NF1: variants seen among roughly 807,000 people sequenced by gnomAD.
NF1 encodes the protein neurofibromin 1, also known as neurofibromin.
A neutral mutation model predicts 325.7 loss-of-function variants in NF1; 122 were observed. The ratio of observed to expected loss-of-function variants is 0.37; its 90% CI spans 0.32 to 0.44. The LOEUF (loss-of-function observed/expected upper bound fraction) is 0.44, where lower values mean the gene tolerates loss of function less well. NF1 is among the 20% of genes least tolerant of loss of function. The pLI is 1.00. For synonymous variants in NF1, 1,091 were observed against 1,186.0 expected, an observed-to-expected ratio of 0.92 and a Z score of 1.65; for missense variants, 2,140 against 3,415.4, an observed-to-expected ratio of 0.63 and a Z score of 9.31.
At chr17:31,193,691 A>AC (rs1214504524) in intron 8 of NF1, among the ~76,000 whole-genome samples, 8 of 150,230 alleles carry the variant, frequency 5.3e-5, no homozygotes, top group African/African-American at 1.9e-4. Flanking sequence ...AAACAAAACA[A>AC]AACAACAACA....
At chr17:31,364,260 A>G (rs2070465615) in intron 57 of NF1, among the ~76,000 whole-genome samples, 1 of 152,350 alleles carries the variant, frequency 6.6e-6, no homozygotes, top group East Asian at 1.9e-4. Context: ...TTTACCATCA[A>G]ATTACCCAAC....
intron 1 of NF1, among the ~76,000 whole-genome samples, chr17:31,106,094 T>G (rs1001330752): frequency 6.6e-6 from 1 of 152,226 alleles, no homozygotes; most frequent in Non-Finnish European, 1.5e-5. Flanking sequence ...AGTTTGGGCA[T>G]GAGAAAACAA....
In NF1 at chr17:31,286,067, G is replaced by C. The variant is rs887330157; in HGVS notation, c.4835+20728G>C. On this transcript the variant is annotated intron_variant, in intron 36 of 57. Coordinates refer to ENST00000358273, the MANE Select transcript of NF1 (RefSeq NM_001042492.3). Reference sequence around the variant, plus strand: ...TTTTACTAACTTCAAGTGATTCCTTGATCCTTTAAATAATTTTAATATGCT... The same window carrying C: ...TTTTACTAACTTCAAGTGATTCCTTCATCCTTTAAATAATTTTAATATGCT... Among the ~76,000 whole-genome samples the C allele has an allele frequency of 3.3e-5, 5 of 152,152 alleles. No individual in the cohort carries two copies. In the East Asian group the frequency reaches 9.6e-4, roughly 29 times the overall value.
chr17:31,237,744 A>G (rs2067228330), intron 29 of NF1, among the ~76,000 whole-genome samples: 2 of 150,526 alleles, frequency 1.3e-5, no homozygotes, highest in Admixed American at 6.7e-5. Context: ...ATTTTACTGA[A>G]TCTTATTATT....
chr17:31,203,326 C>A (rs2066563587), intron 11 of NF1, among the ~76,000 whole-genome samples: 1 of 152,162 alleles, frequency 6.6e-6, no homozygotes, highest in African/African-American at 2.4e-5. Context: ...AAAAAAACTA[C>A]ATTGAATAAT....
At chr17:31,227,414 G>A (rs17884194) in intron 19 of NF1, 109 bp from the exon 20 acceptor site, 9 of 1,396,010 alleles carry the variant, frequency 6.4e-6, no homozygotes, top group South Asian at 2.3e-5. Context: ...CATATTACAA[G>A]TATAATATCT....
Position 31,266,297 on chromosome 17 carries a change from G to A in NF1, c.4835+958G>A, listed in dbSNP as rs188622493. On this transcript the variant is annotated intron_variant, in intron 36 of 57. Coordinates refer to ENST00000358273, the MANE Select transcript of NF1 (RefSeq NM_001042492.3). The stretch of plus-strand genomic sequence containing the variant: ...CAAGGTTGAGAAATAGTAGAGAGAC[G>A]GTGAAGGAAGATCAGTGGAAGATGG... Among the ~76,000 whole-genome samples the A allele has an allele frequency of 9.9e-4, 151 of 152,298 alleles. 1 individual carries two copies. The highest frequency in any genetic ancestry group is 7.6e-4 in the Non-Finnish European group (52 of 68,032).
At chr17:31,205,855 T>TAAG (rs766851953) in intron 11 of NF1, among the ~76,000 whole-genome samples, 5 of 151,610 alleles carry the variant, frequency 3.3e-5, no homozygotes, top group Non-Finnish European at 5.9e-5. Context: ...CCTGGGAAAA[T>TAAG]ATATGCCATG....
chr17:31,197,918 T>TG (rs1491085719), intron 8 of NF1, among the ~76,000 whole-genome samples: 49 of 152,328 alleles, frequency 3.2e-4, no homozygotes, highest in Non-Finnish European at 5.0e-4. Flanking sequence ...CACTATTGAG[T>TG]ATGTTGTTAG....
intron 36 of NF1, among the ~76,000 whole-genome samples, chr17:31,288,558 C>CA (rs2068286527): frequency 2.3e-5 from 3 of 131,786 alleles, no homozygotes; most frequent in African/African-American, 8.2e-5. Context: ...GAGTGGGAGA[C>CA]AGAGTCTTGC....
intron 29 of NF1, among the ~76,000 whole-genome samples, chr17:31,246,748 T>C (rs143592788): frequency 6.6e-6 from 1 of 152,282 alleles, no homozygotes; most frequent in East Asian, 1.9e-4. Context: ...CCTGTATTAT[T>C]GATGAGAAAA....
At chr17:31,118,345 G>C (rs566547539) in intron 1 of NF1, among the ~76,000 whole-genome samples, 2 of 151,604 alleles carry the variant, frequency 1.3e-5, no homozygotes, top group African/African-American at 4.9e-5. Flanking sequence ...AGAATGTGCA[G>C]GTTTGTTACA....
rs145285102 is a variant in NF1, at chr17:31,294,083, C to T, written c.4835+28744C>T. Reference sequence around the variant, plus strand: ...TCACTTCCTCAGTACTGCCCAAGTTCGTCAGACCCAATGATTTTATTCTTA... The same window carrying T: ...TCACTTCCTCAGTACTGCCCAAGTTTGTCAGACCCAATGATTTTATTCTTA... On this transcript the variant is annotated intron_variant, in intron 36 of 57. Coordinates refer to ENST00000358273, the MANE Select transcript of NF1 (RefSeq NM_001042492.3). Among the ~76,000 whole-genome samples, 468 of 152,154 alleles carry T rather than the reference C, an allele frequency of 3.1e-3. 3 individuals are homozygous for T. Among genetic ancestry groups the T allele is most frequent in the African/African-American group, 0.011 (451 of 41,502 alleles).
At position 31,200,510 on chromosome 17, in the gene NF1, A is replaced by G. The variant is rs2066507912; in HGVS notation, c.977A>G (p.Lys326Arg). 1 of 1,614,196 alleles carries G rather than the reference A, an allele frequency of 6.2e-7. No homozygotes were observed. The highest frequency in any genetic ancestry group is 8.5e-7 in the Non-Finnish European group (1 of 1,180,024). ...LTESAAIACV[K>R]LCKASTYINW... ...GAAAGTGCTGCAATTGCCTGTGTCA[A>G]ACTGTGTAAAGCAAGTACTTACATC... Residue 326 changes from lysine (K) to arginine (R), a missense_variant, in exon 9 of 58, where the codon AAA (lysine) becomes AGA (arginine). Physicochemically the swap from Lys to Arg is conservative, Grantham distance 26. Transcript: ENST00000358273.
At chr17:31,104,336 G>A (rs960104203) in intron 1 of NF1, among the ~76,000 whole-genome samples, 4 of 152,150 alleles carry the variant, frequency 2.6e-5, no homozygotes, top group South Asian at 2.1e-4. Context: ...TTAGGTCTGC[G>A]TATATTTTGG....
intron 32 of NF1, among the ~76,000 whole-genome samples, 159 bp from the exon 33 acceptor site, chr17:31,258,873 A>G (rs1309166964): frequency 1.3e-5 from 2 of 152,144 alleles, no homozygotes; most frequent in African/African-American, 4.8e-5. Context: ...AAGGTTAGAA[A>G]CACTACCTAA....
intron 39 of NF1, chr17:31,331,289 A>G (rs2069479718): frequency 1.3e-5 from 2 of 152,062 alleles, no homozygotes; most frequent in South Asian, 2.1e-4. Flanking sequence ...ATTCATAAAT[A>G]TTAATATGAG....
intron 31 of NF1, among the ~76,000 whole-genome samples, chr17:31,255,539 T>C (rs2067569136): frequency 6.6e-6 from 1 of 152,220 alleles, no homozygotes. Context: ...GTGATACATA[T>C]ATTTATATGA....
rs115620518 is a variant in NF1, at chr17:31,238,407, C to T, written c.3974+2386C>T. Among the ~76,000 whole-genome samples, 1,160 of 152,280 alleles carry T rather than the reference C, an allele frequency of 7.6e-3. 19 individuals are homozygous for T. Among genetic ancestry groups the T allele is most frequent in the African/African-American group, 0.027 (1,116 of 41,562 alleles). On this transcript the variant is annotated intron_variant, in intron 29 of 57. Coordinates refer to ENST00000358273, the MANE Select transcript of NF1 (RefSeq NM_001042492.3). The stretch of plus-strand genomic sequence containing the variant: ...TTAGAAGTTAGCCACCTCCAGCCCC[C>T]TCTAGCGTTTCTGTAAGAAGAGAGA...
Sources: allele counts gnomAD v4.1 joint callset (sites outside exome capture counted in the v4.1 genomes callset), GRCh38; gene constraint gnomAD v4.1.1; transcripts MANE v1.5; gene names NCBI Gene and HGNC (gene_info 2026-07-23, HGNC 2026-07-21).